The following STAT5A variants were observed in gnomAD, a reference collection of about 807,000 sequenced individuals.
STAT5A encodes signal transducer and activator of transcription 5A.
A neutral mutation model predicts 100.2 loss-of-function variants in STAT5A; 26 were observed. That is an observed-to-expected ratio of 0.26 (90% CI 0.19 to 0.36). The LOEUF is 0.36. STAT5A is among the 10% of genes least tolerant of loss of function. STAT5A has a pLI of 1.00. For synonymous variants in STAT5A, 330 were observed against 424.3 expected, an observed-to-expected ratio of 0.78 and a Z score of 2.73; for missense variants, 634 against 1,027.5, an observed-to-expected ratio of 0.62 and a Z score of 5.24.
In STAT5A at chr17:42,290,190, G is replaced by A. The variant is rs754538241; in HGVS notation, c.285+168G>A. 1.1e-5 allele frequency: 12 copies of A among 1,050,664 alleles called. No individual in the cohort carries two copies. The Admixed American group carries it at 1.3e-4, about 12-fold the overall frequency. 65.1% of individuals were successfully genotyped at this position (1,050,664 alleles called of 1,614,324 possible). ...CCCCTCTTTCTAAATTCGACCTGTC[G>A]GATTTCTTTAGCATATTGCAAAGCA... On this transcript the variant is annotated intron_variant, in intron 3 of 18. Transcript: ENST00000590949.
chr17:42,310,626 C>A lies in STAT5A; in HGVS notation c.2342C>A (p.Pro781His). The change falls in exon 19 of 19, where the codon CCC becomes CAC. Residue 781 changes from proline (P) to histidine (H), a missense_variant. Pro to His is a moderately conservative substitution (Grantham distance 77, BLOSUM62 -2). Coordinates refer to ENST00000590949, the MANE Select transcript of STAT5A (RefSeq NM_001288718.2). Reference protein sequence around the residue: ...PMDSLDSRLSPPAGLFTSARG... With the variant: ...PMDSLDSRLSHPAGLFTSARG... Reference sequence around the variant, plus strand: ...GACAGTCTTGACTCCCGCCTCTCGCCCCCTGCCGGTCTTTTCACCTCTGCC... The same window carrying A: ...GACAGTCTTGACTCCCGCCTCTCGCACCCTGCCGGTCTTTTCACCTCTGCC... 1.2e-6 allele frequency: 2 copies of A among 1,614,220 alleles called. No individual in the cohort carries two copies. Among genetic ancestry groups the A allele is most frequent in the African/African-American group, 2.7e-5 (2 of 75,054 alleles).
chr17:42,299,973 A>C, intron 6 of STAT5A, 92 bp downstream of exon 6: 1 of 1,429,360 alleles, frequency 7.0e-7, no homozygotes, highest in Non-Finnish European at 9.5e-7. Context: ...ATGAGAGCAG[A>C]ACCTGGGAGG....
Position 42,288,929 on chromosome 17 carries a change from G to C in STAT5A, c.-11+331G>C, listed in dbSNP as rs1397404927. Reference sequence around the variant, plus strand: ...AGTCCTCAGCCCTGTCTCCTGAACAGCCCCAGCCACGTGCCCGAAAAGCCC... The same window carrying C: ...AGTCCTCAGCCCTGTCTCCTGAACACCCCCAGCCACGTGCCCGAAAAGCCC... On this transcript the variant is annotated intron_variant, in intron 1 of 18. Transcript: ENST00000590949. This position sits in a 1 kb window ranked among gnomAD's most constrained non-coding sequence, Gnocchi z 4.8. Among the ~76,000 whole-genome samples the C allele has an allele frequency of 2.0e-5, 3 of 152,248 alleles. No individual in the cohort carries two copies. The highest frequency in any genetic ancestry group is 4.4e-5 in the Non-Finnish European group (3 of 68,036).
In STAT5A at chr17:42,304,715, C is replaced by G; in HGVS notation, c.1380+63C>G. 6.3e-7 allele frequency: 1 copy of G among 1,599,368 alleles called. No individual in the cohort carries two copies. Among genetic ancestry groups the G allele is most frequent in the Non-Finnish European group, 8.5e-7 (1 of 1,172,198 alleles). ...TCACCCAAGAGGTGGAGGGGCCTGC[C>G]TCAGGACTCCTGGCAGCAATGCCAT... On this transcript the variant is annotated intron_variant, in intron 11 of 18. Transcript: ENST00000590949. This position sits in a 1 kb window ranked among gnomAD's most constrained non-coding sequence, Gnocchi z 4.8.
intron 18 of STAT5A, 31 bp from the exon 19 acceptor site, chr17:42,310,476 G>A (rs904044470): frequency 6.2e-7 from 1 of 1,612,228 alleles, no homozygotes. Flanking sequence ...AGACATGCCA[G>A]CTCCCTCTGA....
At position 42,308,369 on chromosome 17, in the gene STAT5A, C is replaced by A. The variant is rs751732984; in HGVS notation, c.2062+36C>A. On this transcript the variant is annotated intron_variant, in intron 16 of 18. Transcript: ENST00000590949. The surrounding 1 kb of genome is among the most constrained non-coding windows in gnomAD (Gnocchi z 4.6). ...CCCCAGGACCCTGCCGGCTGACTCC[C>A]CCGGGCTCTTCCCCAGCCCATAGAC... 4 of 1,613,754 alleles carry A rather than the reference C, an allele frequency of 2.5e-6. No individual in the cohort carries two copies. The highest frequency in any genetic ancestry group is 3.4e-6 in the Non-Finnish European group (4 of 1,179,918).
At chr17:42,294,920 C>T (rs1352748663) in intron 4 of STAT5A, among the ~76,000 whole-genome samples, 5 of 147,874 alleles carry the variant, frequency 3.4e-5, no homozygotes, top group South Asian at 2.1e-4. Context: ...TTTTTTGAAA[C>T]GGAGTCTCGC....
In STAT5A at chr17:42,294,164, T is replaced by C. The variant is rs138308403; in HGVS notation, c.376-1455T>C. On this transcript the variant is annotated intron_variant, in intron 4 of 18. Coordinates refer to ENST00000590949, the MANE Select transcript of STAT5A (RefSeq NM_001288718.2). ...CCAGGAGGGGGATGTTGCAGTGAGC[T>C]GAGATTGCACCACTTCACTCCAGCC... 3.5e-3 allele frequency among the ~76,000 whole-genome samples: 525 copies of C among 151,016 alleles called. 3 individuals carry two copies. The highest frequency in any genetic ancestry group is 0.012 in the African/African-American group (499 of 41,054).
intron 2 of STAT5A, 137 bp downstream of exon 2, chr17:42,289,676 G>T (rs1211236728): frequency 5.6e-6 from 8 of 1,421,136 alleles, no homozygotes; most frequent in Non-Finnish European, 7.5e-6. Flanking sequence ...GGTGCCCCTG[G>T]GAAAGGGGAA....
In STAT5A at chr17:42,295,722, A is replaced by G; in HGVS notation, c.479A>G (p.Asn160Ser). Reference sequence around the variant, plus strand: ...CGACTGGTCACGCAGGACACAGAGAATGAGCTGAAGAAACTGCAGCAGACT... The same window carrying G: ...CGACTGGTCACGCAGGACACAGAGAGTGAGCTGAAGAAACTGCAGCAGACT... ...ELRLVTQDTE[N>S]ELKKLQQTQE... Residue 160 changes from asparagine (N) to serine (S), a missense_variant, in exon 5 of 19, where the codon AAT (asparagine) becomes AGT (serine). This residue lies in a region of STAT5A where 207 missense variants were observed against 256.6 expected (regional missense o/e 0.81). Transcript: ENST00000590949. 1 of 1,613,980 alleles carries G rather than the reference A, an allele frequency of 6.2e-7. No individual in the cohort carries two copies. Among genetic ancestry groups the G allele is most frequent in the Non-Finnish European group, 8.5e-7 (1 of 1,179,976 alleles).
intron 18 of STAT5A, among the ~76,000 whole-genome samples, chr17:42,310,051 G>A (rs544985169): frequency 6.5e-4 from 99 of 152,292 alleles, no homozygotes; most frequent in African/African-American, 2.1e-3. Flanking sequence ...TGGTTTTCTC[G>A]TCTATAAAAC....
rs539169836 is a variant in STAT5A, at chr17:42,297,097, A to AT, written c.550+1316dup. On this transcript the variant is annotated intron_variant, in intron 5 of 18. Transcript: ENST00000590949. Reference sequence around the variant, plus strand: ...AGACATGCACCACCATGCCTGGCTAATTTTTTTTTTTTGTAGTTTTAGTAG... The same window carrying AT: ...AGACATGCACCACCATGCCTGGCTAATTTTTTTTTTTTTGTAGTTTTAGTAG... Among the ~76,000 whole-genome samples, 378 of 147,008 alleles carry AT rather than the reference A, an allele frequency of 2.6e-3. 2 individuals are homozygous for AT. Among genetic ancestry groups the AT allele is most frequent in the Admixed American group, 4.3e-3 (63 of 14,708 alleles).
intron 13 of STAT5A, 109 bp downstream of exon 13, chr17:42,306,556 ACCACTCTCT>A: frequency 1.3e-6 from 2 of 1,493,686 alleles, no homozygotes; most frequent in Non-Finnish European, 1.8e-6. Flanking sequence ...TCCACCCCCA[ACCACTCTCT>A]CCTACAACCA....
intron 3 of STAT5A, 143 bp from the exon 4 acceptor site, chr17:42,291,829 A>G: frequency 1.4e-6 from 1 of 729,330 alleles, no homozygotes; most frequent in Non-Finnish European, 2.3e-6. Flanking sequence ...GAACAGAGAT[A>G]TAGAGGTGTC....
At chr17:42,305,762 A>G in intron 12 of STAT5A, 60 bp downstream of exon 12, 1 of 1,556,334 alleles carries the variant, frequency 6.4e-7, no homozygotes, top group Non-Finnish European at 8.8e-7. Flanking sequence ...ACCTGGGGTC[A>G]GCCCCACCCC....
intron 12 of STAT5A, 111 bp downstream of exon 12, chr17:42,305,813 GC>G: frequency 1.7e-6 from 2 of 1,166,182 alleles, no homozygotes; most frequent in Non-Finnish European, 2.4e-6. Context: ...CCCAGGGCCA[GC>G]CCAGAGGTGA....
chr17:42,306,369 G>C lies in STAT5A; in HGVS notation c.1602G>C (p.Ala534=). The C allele has an allele frequency of 6.2e-7, 1 of 1,614,138 alleles. No homozygotes were observed. The highest frequency in any genetic ancestry group is 8.5e-7 in the Non-Finnish European group (1 of 1,180,002). ...GLTKENLVFL[A]QKLFNNSSSH... is the part of the protein sequence containing the mutation. ...CCAAGGAGAACCTCGTGTTCCTGGCGCAGAAACTGTTCAACAACAGCAGCA... is the reference window on the plus strand; with the variant it reads ...CCAAGGAGAACCTCGTGTTCCTGGCCCAGAAACTGTTCAACAACAGCAGCA... Residue 534 remains alanine, a synonymous_variant, in exon 13 of 19, where the codon GCG becomes GCC. Transcript: ENST00000590949.
Position 42,310,930 on chromosome 17 carries a change from CCT to C in STAT5A, c.*264_*265del. 1 of 537,478 alleles carries C rather than the reference CCT, an allele frequency of 1.9e-6. No homozygotes were observed. Among genetic ancestry groups the C allele is most frequent in the Non-Finnish European group, 3.3e-6 (1 of 303,976 alleles). 33.3% of individuals were successfully genotyped at this position (537,478 alleles called of 1,614,324 possible). A position where few individuals can be genotyped will look rare whatever the true frequency, so the allele number is the denominator to read the frequency against. On this transcript the variant is annotated 3_prime_UTR_variant, in exon 19 of 19. Coordinates refer to ENST00000590949, the MANE Select transcript of STAT5A (RefSeq NM_001288718.2). ...TGTCTCTGTCATGGTAGAGACCGAG[CCT>C]CTGTCACTGCAGGCACTCAATGCAG... is the stretch of plus-strand genomic sequence containing the variant.
chr17:42,292,440 T>C (rs2144501456), intron 4 of STAT5A, among the ~76,000 whole-genome samples: 1 of 152,280 alleles, frequency 6.6e-6, no homozygotes, highest in Non-Finnish European at 1.5e-5. Flanking sequence ...ACCATTCTCC[T>C]GCCTCAGCCT....
Sources: gnomAD v4.1 joint callset for allele counts (sites outside exome capture counted in the v4.1 genomes callset) on GRCh38, gnomAD v4.1.1 for gene constraint, gnomAD v4.1.1 regional missense constraint, Gnocchi (gnomAD v3.1) non-coding constraint, MANE v1.5 for transcripts, NCBI Gene and HGNC (gene_info 2026-07-23, HGNC 2026-07-21) for gene names.